Variants in VPS54 observed in about 807,000 individuals in gnomAD.
VPS54 encodes VPS54 subunit of GARP complex.
In VPS54, 45 loss-of-function variants were observed where a neutral mutation model predicts 121.5. That is an observed-to-expected ratio of 0.37 (90% CI 0.29 to 0.47). VPS54 has a LOEUF of 0.47. Among genes scored for constraint, VPS54 ranks in the 20% least tolerant of loss-of-function variants. The pLI, the probability that VPS54 is intolerant of heterozygous loss-of-function variation, is 0.99. For missense variants in VPS54, 1,090 were observed against 1,131.4 expected, an observed-to-expected ratio of 0.96 and a Z score of 0.52; for synonymous variants, 371 against 385.8, an observed-to-expected ratio of 0.96 and a Z score of 0.45.
intron 1 of VPS54, among the ~76,000 whole-genome samples, chr2:63,989,555 C>G (rs542231316): frequency 5.3e-5 from 8 of 152,196 alleles, no homozygotes; most frequent in African/African-American, 1.9e-4. Flanking sequence ...TATCTGGTGC[C>G]CAGCATGGTT....
chr2:63,903,432 A>G (rs1558979560), intron 20 of VPS54, among the ~76,000 whole-genome samples: 1 of 152,210 alleles, frequency 6.6e-6, no homozygotes, highest in Non-Finnish European at 1.5e-5. Flanking sequence ...TATCGGATGG[A>G]TCCAAGCAAA....
chr2:63,979,865 A>G (rs1676728226), intron 3 of VPS54, among the ~76,000 whole-genome samples: 1 of 152,314 alleles, frequency 6.6e-6, no homozygotes, highest in African/African-American at 2.4e-5. Flanking sequence ...AAAGTCTTCT[A>G]AATGTATTAA....
rs1211574270 is a variant in VPS54, at chr2:63,893,321, C to G, written c.*109G>C. On this transcript the variant is annotated 3_prime_UTR_variant, in exon 23 of 23. Coordinates refer to ENST00000272322, the MANE Select transcript of VPS54 (RefSeq NM_016516.3). ...CTTTCCTTTTTCCCTTCCCCCACCC[C>G]AGTTCACTTTGGGTTTCAGGTTCAA... 1 of 937,568 alleles carries G rather than the reference C, an allele frequency of 1.1e-6. No individual in the cohort carries two copies. Among genetic ancestry groups the G allele is most frequent in the Non-Finnish European group, 1.8e-6 (1 of 564,626 alleles). The allele number at this position is 937,568 out of a possible 1,614,324, so 58.1% of individuals were successfully genotyped here.
intron 15 of VPS54, among the ~76,000 whole-genome samples, chr2:63,918,491 A>G (rs373689153): frequency 1.3e-5 from 2 of 150,160 alleles, no homozygotes; most frequent in Non-Finnish European, 3.0e-5. Flanking sequence ...TCAGAGTTTT[A>G]TTTTTCCATC....
At chr2:63,999,661 T>G (rs2080649) in intron 1 of VPS54, among the ~76,000 whole-genome samples, 1 of 152,040 alleles carries the variant, frequency 6.6e-6, no homozygotes, top group African/African-American at 2.4e-5. Context: ...CTGTTATTAT[T>G]CCTTCGAATA....
chr2:63,892,699 GTATT>G lies in VPS54; in HGVS notation c.*727_*730del, dbSNP rs1325666093. The stretch of plus-strand genomic sequence containing the variant: ...GCCTTTTATATACCATTTCTGAAAA[GTATT>G]TAGTTGCATAAATAGATGCCAGGAT... On this transcript the variant is annotated 3_prime_UTR_variant, in exon 23 of 23. Coordinates refer to ENST00000272322, the MANE Select transcript of VPS54 (RefSeq NM_016516.3). 2 of 151,134 alleles carry G rather than the reference GTATT, an allele frequency of 1.3e-5. No homozygotes were observed. The highest frequency in any genetic ancestry group is 6.6e-5 in the Admixed American group (1 of 15,084). The allele number at this position is 151,134 out of a possible 1,614,324, so 9.4% of individuals were successfully genotyped here.
At chr2:63,952,934 AAAC>A (rs1186954028) in intron 7 of VPS54, among the ~76,000 whole-genome samples, 7 of 152,148 alleles carry the variant, frequency 4.6e-5, no homozygotes, top group African/African-American at 9.7e-5. Context: ...AACAGAATAG[AAAC>A]AACCCAAATG....
Position 63,898,093 on chromosome 2 carries a change from T to C in VPS54, c.2734-503A>G, listed in dbSNP as rs1672519275. On this transcript the variant is annotated intron_variant, in intron 21 of 22. Transcript: ENST00000272322. ...TAACATTTTCTGTGGGAAAAATATA[T>C]ATAATAATCTATGGAAGTTTTGTGG... Among the ~76,000 whole-genome samples the C allele has an allele frequency of 3.9e-5, 6 of 152,312 alleles. No homozygotes were observed. In the South Asian group the frequency reaches 1.0e-3, roughly 26 times the overall value.
intron 1 of VPS54, among the ~76,000 whole-genome samples, chr2:64,010,837 T>G: frequency 6.6e-6 from 1 of 152,224 alleles, no homozygotes; most frequent in African/African-American, 2.4e-5. Flanking sequence ...AAATAAGTAC[T>G]TCTATAGTCC....
intron 3 of VPS54, among the ~76,000 whole-genome samples, chr2:63,980,854 G>T (rs567761799): frequency 1.3e-5 from 2 of 151,904 alleles, no homozygotes; most frequent in African/African-American, 4.8e-5. Context: ...TCAATGATCA[G>T]ATCTAAGTGA....
chr2:63,981,901 A>G lies in VPS54; in HGVS notation c.137-14T>C, dbSNP rs971381324. On this transcript the variant is annotated splice_polypyrimidine_tract_variant and intron_variant, in intron 2 of 22. Transcript: ENST00000272322. The stretch of plus-strand genomic sequence containing the variant: ...TATGTGAATCACCTGCAAAAAGTAA[A>G]CAAGAGAACTCTGTAAATGCTGTAA... 2 of 1,604,644 alleles carry G rather than the reference A, an allele frequency of 1.2e-6. No homozygotes were observed. The highest frequency in any genetic ancestry group is 1.7e-6 in the Non-Finnish European group (2 of 1,175,730).
intron 11 of VPS54, among the ~76,000 whole-genome samples, chr2:63,937,285 C>T (rs558770004): frequency 8.6e-5 from 13 of 151,952 alleles, no homozygotes; most frequent in Non-Finnish European, 1.9e-4. Flanking sequence ...ATGTAAAGAA[C>T]TTCTACAACT....
chr2:64,000,151 C>T (rs901681143), intron 1 of VPS54, among the ~76,000 whole-genome samples: 6 of 152,130 alleles, frequency 3.9e-5, no homozygotes, highest in Non-Finnish European at 8.8e-5. Flanking sequence ...TAAGCCACCA[C>T]ACCCGGCCGA....
intron 12 of VPS54, among the ~76,000 whole-genome samples, chr2:63,929,877 A>G (rs1470738237): frequency 2.6e-5 from 4 of 152,210 alleles, no homozygotes. Context: ...AGAGAATACT[A>G]CAAACACCTC....
rs974553689 is a variant in VPS54 at position 64,013,651 on chromosome 2, G to T, written c.-21+5287C>A. On this transcript the variant is annotated intron_variant, in intron 1 of 22. Transcript: ENST00000272322. Reference sequence around the variant, plus strand: ...ATATATAAATATATATCAATATATAGATATATATTGATATATATATCTATA... The same window carrying T: ...ATATATAAATATATATCAATATATATATATATATTGATATATATATCTATA... Among the ~76,000 whole-genome samples, 25 of 140,476 alleles carry T rather than the reference G, an allele frequency of 1.8e-4. No homozygotes were observed. The East Asian group carries it at 5.0e-3, about 28-fold the overall frequency. 92.2% of individuals were successfully genotyped at this position (140,476 alleles called of 152,430 possible).
At chr2:63,917,448 T>C (rs1673435628) in intron 15 of VPS54, among the ~76,000 whole-genome samples, 1 of 152,072 alleles carries the variant, frequency 6.6e-6, no homozygotes, top group Admixed American at 6.5e-5. Flanking sequence ...GGAAAGATTA[T>C]ATATTTAATT....
intron 16 of VPS54, among the ~76,000 whole-genome samples, chr2:63,915,776 T>G (rs1229016869): frequency 6.6e-6 from 1 of 152,186 alleles, no homozygotes; most frequent in East Asian, 1.9e-4. Context: ...GTTTAGAATG[T>G]GTGGACTTCA....
At chr2:64,013,559 G>A (rs1678529793) in intron 1 of VPS54, among the ~76,000 whole-genome samples, 1 of 142,620 alleles carries the variant, frequency 7.0e-6, no homozygotes, top group African/African-American at 2.7e-5. Flanking sequence ...ATATATATAT[G>A]ATATATATAT....
chr2:63,897,883 G>A (rs75542745), intron 21 of VPS54, among the ~76,000 whole-genome samples: 1,989 of 152,240 alleles, frequency 0.013, 29 homozygotes, highest in African/African-American at 0.042. Context: ...TTGTAACATA[G>A]TAAGTAGGAA....
Sources: allele counts gnomAD v4.1 joint callset (sites outside exome capture counted in the v4.1 genomes callset), GRCh38; gene constraint gnomAD v4.1.1; transcripts MANE v1.5; gene names NCBI Gene and HGNC (gene_info 2026-07-23, HGNC 2026-07-21).